CCND2: variants seen among roughly 807,000 people sequenced by gnomAD.
CCND2 encodes G1/S-specific cyclin-D2.
CCND2 carries 6 observed loss-of-function variants against 30.2 expected under a neutral mutation model. The observed-to-expected ratio is 0.20, with a 90% CI of 0.11 to 0.39. CCND2 has a LOEUF of 0.39. Ranked by LOEUF, CCND2 falls within the 10% of genes least tolerant of loss-of-function variation. The probability of loss-of-function intolerance (pLI) is 1.00; values close to 1 mark genes in which losing one functional copy is unlikely to be tolerated. For synonymous variants in CCND2, 150 were observed against 153.1 expected (o/e 0.98, Z 0.15); for missense variants, 235 against 373.4 (o/e 0.63, Z 3.06).
chr12:4,291,175 T>C (rs1864095535), intron 4 of CCND2, among the ~76,000 whole-genome samples: 1 of 128,642 alleles, frequency 7.8e-6, no homozygotes, highest in African/African-American at 2.7e-5. Context: ...AAAATGTTTT[T>C]AGTGGAAAGG....
At position 4,288,905 on chromosome 12, in the gene CCND2, G is replaced by A. The variant is rs2120560702; in HGVS notation, c.635G>A (p.Cys212Tyr). Reference protein sequence around the residue: ...IATGSVGAAICGLQQDEEVSS... With the variant: ...IATGSVGAAIYGLQQDEEVSS... ...ACTGGAAGTGTGGGAGCAGCCATCT[G>A]TGGGCTCCAGCAGGATGAGGAAGTG... The change falls in exon 4 of 5, where the codon TGT becomes TAT. Residue 212 changes from cysteine (C) to tyrosine (Y), a missense_variant. This residue lies in a region of CCND2 where 178 missense variants were observed against 322.8 expected (regional missense o/e 0.55). Coordinates refer to ENST00000261254, the MANE Select transcript of CCND2 (RefSeq NM_001759.4). 10 of 1,613,884 alleles carry A rather than the reference G, an allele frequency of 6.2e-6. No homozygotes were observed. The highest frequency in any genetic ancestry group is 7.6e-6 in the Non-Finnish European group (9 of 1,179,928).
rs1864257691 is a variant in CCND2 at position 4,302,058 on chromosome 12, A to T, written c.*2049A>T. 4.3e-6 allele frequency: 1 copy of T among 232,898 alleles called. No individual in the cohort carries two copies. The allele number at this position is 232,898 out of a possible 1,614,324, so 14.4% of individuals were successfully genotyped here. On this transcript the variant is annotated 3_prime_UTR_variant, in exon 5 of 5. Transcript: ENST00000261254. ...AATGATTCACGCTTTTGTTTTCATAATACCTCACAACCGTACAGTTTCTGC... is the reference window on the plus strand; with the variant it reads ...AATGATTCACGCTTTTGTTTTCATATTACCTCACAACCGTACAGTTTCTGC...
rs1211318208 is a variant in CCND2 at position 4,276,465 on chromosome 12, A to G, written c.411+245A>G. Among the ~76,000 whole-genome samples, 1 of 152,226 alleles carries G rather than the reference A, an allele frequency of 6.6e-6. No individual in the cohort carries two copies. Among genetic ancestry groups the G allele is most frequent in the Non-Finnish European group, 1.5e-5 (1 of 68,038 alleles). The stretch of plus-strand genomic sequence containing the variant: ...GGCTACATCTGTGAATAAGATCCTC[A>G]TGGAGATTTGGGTTGGTGAGACTCA... On this transcript the variant is annotated intron_variant, in intron 2 of 4. Transcript: ENST00000261254. This position sits in a 1 kb window ranked among gnomAD's most constrained non-coding sequence, Gnocchi z 4.8.
At chr12:4,281,458 T>G (rs958930387) in intron 3 of CCND2, among the ~76,000 whole-genome samples, 15 of 151,986 alleles carry the variant, frequency 9.9e-5, no homozygotes, top group African/African-American at 3.4e-4. Context: ...GGGCACAGAG[T>G]GACTGAGAGG....
intron 4 of CCND2, chr12:4,297,721 A>G (rs78875656): frequency 0.01 from 2,731 of 261,620 alleles, 89 homozygotes; most frequent in East Asian, 0.1. Flanking sequence ...GGGATGAGGC[A>G]GGTGAGCCCC....
intron 3 of CCND2, among the ~76,000 whole-genome samples, chr12:4,281,499 G>A (rs3217823): frequency 0.02 from 2,982 of 152,190 alleles, 81 homozygotes; most frequent in East Asian, 0.066. Flanking sequence ...TCCCCAACCC[G>A]AGCTGTTGCC....
rs1028606575 is a variant in CCND2 at position 4,285,207 on chromosome 12, G to C, written c.572-3635G>C. 1.3e-6 allele frequency: 1 copy of C among 798,858 alleles called. No homozygotes were observed. The highest frequency in any genetic ancestry group is 1.5e-6 in the Non-Finnish European group (1 of 660,082). 49.5% of individuals were successfully genotyped at this position (798,858 alleles called of 1,614,324 possible). On this transcript the variant is annotated intron_variant, in intron 3 of 4. Transcript: ENST00000261254. This position sits in a 1 kb window ranked among gnomAD's most constrained non-coding sequence, Gnocchi z 4.1. Reference sequence around the variant, plus strand: ...TCCTCCATGCTGCCTGGAACAGGGAGGAGCACATTGTCATGAGTCGATCAG... The same window carrying C: ...TCCTCCATGCTGCCTGGAACAGGGACGAGCACATTGTCATGAGTCGATCAG...
At position 4,300,142 on chromosome 12, in the gene CCND2, A is replaced by ATAT; in HGVS notation, c.*133_*134insTAT. ...CTGCCCCCACCTAGATCATATTTAA[A>ATAT]GATCTTTTAGAAGTGAGAGAAAAAG... is the stretch of plus-strand genomic sequence containing the variant. On this transcript the variant is annotated 3_prime_UTR_variant, in exon 5 of 5. Transcript: ENST00000261254. The ATAT allele has an allele frequency of 1.1e-6, 1 of 883,726 alleles. No individual in the cohort carries two copies. Among genetic ancestry groups the ATAT allele is most frequent in the Non-Finnish European group, 1.7e-6 (1 of 605,316 alleles). The allele number at this position is 883,726 out of a possible 1,614,324, so 54.7% of individuals were successfully genotyped here. A position where few individuals can be genotyped will look rare whatever the true frequency, so the allele number is the denominator to read the frequency against.
At chr12:4,294,133 G>A (rs992425245) in intron 4 of CCND2, among the ~76,000 whole-genome samples, 1 of 152,170 alleles carries the variant, frequency 6.6e-6, no homozygotes, top group African/African-American at 2.4e-5. Context: ...GCTAATGGTA[G>A]GAGTTCCGTC....
intron 4 of CCND2, among the ~76,000 whole-genome samples, chr12:4,295,776 A>C (rs1864160886): frequency 1.3e-5 from 2 of 152,254 alleles, no homozygotes; most frequent in African/African-American, 4.8e-5. Context: ...CTCCGTCTCA[A>C]AAAACAAAAC....
intron 2 of CCND2, 75 bp from the exon 3 acceptor site, chr12:4,278,685 C>G (rs528954610): frequency 1.1e-5 from 17 of 1,516,564 alleles, no homozygotes; most frequent in Non-Finnish European, 1.5e-5. Context: ...GTCTGGAGCC[C>G]AACCCCCAGC....
chr12:4,277,726 G>T (rs1357381611), intron 2 of CCND2, among the ~76,000 whole-genome samples: 1 of 152,194 alleles, frequency 6.6e-6, no homozygotes, highest in African/African-American at 2.4e-5. Flanking sequence ...CTGTGGGACT[G>T]GTGCTCTGGT....
Position 4,276,280 on chromosome 12 carries a change from A to C in CCND2, c.411+60A>C. 7.0e-7 allele frequency: 1 copy of C among 1,432,060 alleles called. No homozygotes were observed. The highest frequency in any genetic ancestry group is 9.7e-7 in the Non-Finnish European group (1 of 1,033,680). 88.7% of individuals were successfully genotyped at this position (1,432,060 alleles called of 1,614,324 possible). On this transcript the variant is annotated intron_variant, in intron 2 of 4. Coordinates refer to ENST00000261254, the MANE Select transcript of CCND2 (RefSeq NM_001759.4). The surrounding 1 kb of genome is among the most constrained non-coding windows in gnomAD (Gnocchi z 4.8). ...GATTCCCGCTTTCCCCTGGCCAACA[A>C]TATGCCTTCTATCACCACTGCCAGA...
chr12:4,293,131 T>C lies in CCND2; in HGVS notation c.720+4141T>C, dbSNP rs1390193761. Among the ~76,000 whole-genome samples, 1 of 152,344 alleles carries C rather than the reference T, an allele frequency of 6.6e-6. No individual in the cohort carries two copies. The highest frequency in any genetic ancestry group is 2.4e-5 in the African/African-American group (1 of 41,584). On this transcript the variant is annotated intron_variant, in intron 4 of 4. Transcript: ENST00000261254. This position sits in a 1 kb window ranked among gnomAD's most constrained non-coding sequence, Gnocchi z 4.9. ...CATGTCCTTTGAAAAGCTGTGTCTT[T>C]TCTTTAACTTCAATTCTGTGTCAGG...
At chr12:4,286,445 G>A (rs913622700) in intron 3 of CCND2, among the ~76,000 whole-genome samples, 2 of 152,236 alleles carry the variant, frequency 1.3e-5, no homozygotes, top group African/African-American at 4.8e-5. Flanking sequence ...TGGAGGAGAG[G>A]TGGGGCATGC....
Position 4,282,028 on chromosome 12 carries a change from C to T in CCND2, c.571+3109C>T, listed in dbSNP as rs1020052447. Among the ~76,000 whole-genome samples, 1 of 152,124 alleles carries T rather than the reference C, an allele frequency of 6.6e-6. No homozygotes were observed. Among genetic ancestry groups the T allele is most frequent in the African/African-American group, 2.4e-5 (1 of 41,410 alleles). On this transcript the variant is annotated intron_variant, in intron 3 of 4. Coordinates refer to ENST00000261254, the MANE Select transcript of CCND2 (RefSeq NM_001759.4). This position sits in a 1 kb window ranked among gnomAD's most constrained non-coding sequence, Gnocchi z 4.3. ...CCTGGAGTTTCCAAAACTGGGGAAG[C>T]AGAACTGAGCCATAGCTTCCCTGGT...
chr12:4,278,289 T>C (rs1180854262), intron 2 of CCND2, among the ~76,000 whole-genome samples: 1 of 152,236 alleles, frequency 6.6e-6, no homozygotes, highest in African/African-American at 2.4e-5. Flanking sequence ...AGGAACCTTA[T>C]TTTGAGCTTT....
chr12:4,284,121 A>G (rs984905301), intron 3 of CCND2, among the ~76,000 whole-genome samples: 3 of 152,058 alleles, frequency 2.0e-5, no homozygotes, highest in African/African-American at 4.8e-5. Context: ...ACTCCCCACC[A>G]CAGTCCTGCA....
chr12:4,276,590 G>A lies in CCND2; in HGVS notation c.411+370G>A, dbSNP rs565994575. Reference sequence around the variant, plus strand: ...TTCCAAATTTCCAAAAATAGTCTGAGAACGTGTTCACATGATAGGTATGTG... The same window carrying A: ...TTCCAAATTTCCAAAAATAGTCTGAAAACGTGTTCACATGATAGGTATGTG... On this transcript the variant is annotated intron_variant, in intron 2 of 4. Coordinates refer to ENST00000261254, the MANE Select transcript of CCND2 (RefSeq NM_001759.4). The surrounding 1 kb of genome is among the most constrained non-coding windows in gnomAD (Gnocchi z 4.8). Among the ~76,000 whole-genome samples the A allele has an allele frequency of 2.0e-5, 3 of 152,324 alleles. No homozygotes were observed. In the South Asian group the frequency reaches 6.2e-4, roughly 32 times the overall value.
Sources: allele counts gnomAD v4.1 joint callset (sites outside exome capture counted in the v4.1 genomes callset), GRCh38; gene constraint gnomAD v4.1.1; regional missense constraint gnomAD v4.1.1; non-coding constraint Gnocchi (gnomAD v3.1); transcripts MANE v1.5; gene names NCBI Gene and HGNC (gene_info 2026-07-23, HGNC 2026-07-21).